Variants in GARIN1B observed in about 807,000 individuals in gnomAD.
GARIN1B encodes the protein golgi associated RAB2 interactor 1B, also known as Golgi-associated RAB2 interactor protein 1B.
chr7:128,709,967 G>T, the GARIN1B span, among the ~76,000 whole-genome samples: 1 of 151,968 alleles, frequency 6.6e-6, no homozygotes, highest in Non-Finnish European at 1.5e-5. Context: ...TGGCCAGGCT[G>T]GTCTCGAACT....
At chr7:128,724,167 C>T in the GARIN1B span, among the ~76,000 whole-genome samples, 3 of 151,946 alleles carry the variant, frequency 2.0e-5, no homozygotes, top group Non-Finnish European at 4.4e-5. Context: ...CACATCACCA[C>T]GCCCAGCTAA....
At chr7:128,709,939 G>C in the GARIN1B span, among the ~76,000 whole-genome samples, 18 of 151,984 alleles carry the variant, frequency 1.2e-4, no homozygotes, top group African/African-American at 3.6e-4. Context: ...CTTTAGTAAA[G>C]ATGGGGTTTC....
chr7:128,725,841 A>G, the GARIN1B span, among the ~76,000 whole-genome samples: 4 of 152,192 alleles, frequency 2.6e-5, no homozygotes, highest in Non-Finnish European at 4.4e-5. Flanking sequence ...CCCCAGGGAG[A>G]AGGCAAAAAG....
chr7:128,711,658 GACACACAC>G, the GARIN1B span, among the ~76,000 whole-genome samples: 21,272 of 144,886 alleles, frequency 0.15, 1,602 homozygotes, highest in South Asian at 0.22. Context: ...TGGTTTTACA[GACACACAC>G]ACACACACAC....
At chr7:128,729,916 C>A in the GARIN1B span, 405 of 1,613,564 alleles carry the variant, frequency 2.5e-4, no homozygotes, top group Non-Finnish European at 3.3e-4. Flanking sequence ...AGATTCTTCC[C>A]GTGAAGACAG....
the GARIN1B span, chr7:128,715,426 C>T: frequency 3.1e-6 from 5 of 1,611,844 alleles, no homozygotes; most frequent in African/African-American, 4.0e-5. Context: ...CAGCAGGCCC[C>T]TGAGCATGTG....
chr7:128,730,077 A>G, the GARIN1B span: 1 of 1,610,196 alleles, frequency 6.2e-7, no homozygotes, highest in East Asian at 2.2e-5. Context: ...TAGGTACAGC[A>G]ATGGGAGGAA....
the GARIN1B span, among the ~76,000 whole-genome samples, chr7:128,719,454 C>T: frequency 6.6e-6 from 1 of 151,452 alleles, no homozygotes; most frequent in Non-Finnish European, 1.5e-5. Flanking sequence ...CTAAAAAATA[C>T]CCCCTCGCCC....
chr7:128,719,180 G>A, the GARIN1B span: 5 of 1,265,734 alleles, frequency 4.0e-6, no homozygotes, highest in East Asian at 4.7e-5. Context: ...GGTGATCTCA[G>A]TGTGAGGCCT....
At chr7:128,715,785 G>A in the GARIN1B span, 1 of 1,156,662 alleles carries the variant, frequency 8.6e-7, no homozygotes, top group Non-Finnish European at 1.3e-6. Flanking sequence ...CTGGGGCAGA[G>A]TGAGAATTGA....
At chr7:128,715,632 A>C in the GARIN1B span, 2 of 1,614,154 alleles carry the variant, frequency 1.2e-6, no homozygotes, top group Non-Finnish European at 8.5e-7. Context: ...CGGGTGGTTC[A>C]TTCTCCAGAA....
At chr7:128,729,811 A>G in the GARIN1B span, 1 of 1,368,698 alleles carries the variant, frequency 7.3e-7, no homozygotes, top group South Asian at 1.3e-5. Flanking sequence ...GGTGCCTGGC[A>G]CATCGTAAGC....
chr7:128,729,826 C>A, the GARIN1B span: 1 of 1,493,170 alleles, frequency 6.7e-7, no homozygotes, highest in Non-Finnish European at 9.2e-7. Flanking sequence ...GTAAGCACCC[C>A]CCCAAATGTC....
At chr7:128,715,327 C>T in the GARIN1B span, 4 of 1,509,634 alleles carry the variant, frequency 2.6e-6, no homozygotes, top group Non-Finnish European at 3.5e-6. Flanking sequence ...TGATGTCATC[C>T]ATTCATCATT....
the GARIN1B span, chr7:128,723,180 T>G: frequency 1.3e-6 from 2 of 1,593,096 alleles, no homozygotes; most frequent in Non-Finnish European, 1.7e-6. Flanking sequence ...CTGGTTCTGC[T>G]TTTTTTCTTC....
At chr7:128,725,551 T>A in the GARIN1B span, among the ~76,000 whole-genome samples, 1 of 152,138 alleles carries the variant, frequency 6.6e-6, no homozygotes, top group Non-Finnish European at 1.5e-5. Context: ...TTTGTATTTT[T>A]ATTAGAGATG....
the GARIN1B span, chr7:128,715,157 C>T: frequency 1.4e-6 from 1 of 703,044 alleles, no homozygotes; most frequent in Middle Eastern, 7.2e-4. Context: ...TGCTTTCTGC[C>T]TGGCTCACTG....
chr7:128,727,224 G>A, the GARIN1B span, among the ~76,000 whole-genome samples: 5 of 152,304 alleles, frequency 3.3e-5, no homozygotes, highest in African/African-American at 1.2e-4. Flanking sequence ...ACTGTGATGG[G>A]CTCTAGGGCC....
At chr7:128,716,822 G>A in the GARIN1B span, 1 of 1,608,560 alleles carries the variant, frequency 6.2e-7, no homozygotes, top group East Asian at 2.2e-5. Flanking sequence ...GGTCAAAAGG[G>A]GCAGGAATTG....
Sources: gnomAD v4.1 joint callset for allele counts (sites outside exome capture counted in the v4.1 genomes callset) on GRCh38, gnomAD v4.1.1 for gene constraint, MANE v1.5 for transcripts, NCBI Gene and HGNC (gene_info 2026-07-23, HGNC 2026-07-21) for gene names.